MCPH1: variants seen among roughly 807,000 people sequenced by gnomAD.
The protein encoded by MCPH1 is microcephalin 1.
MCPH1 carries 104 observed loss-of-function variants against 84.5 expected under a neutral mutation model. The ratio of observed to expected loss-of-function variants is 1.23; its 90% CI spans 1.05 to 1.45. The LOEUF is 1.45. Among genes scored for constraint, MCPH1 ranks in the 40% most tolerant of loss-of-function variants. The pLI is 0.00. For synonymous variants in MCPH1, 514 were observed against 366.8 expected (o/e 1.40, Z -4.58); for missense variants, 1,498 against 1,005.7 (o/e 1.49, Z -6.62).
intron 11 of MCPH1, among the ~76,000 whole-genome samples, chr8:6,497,330 A>G (rs75084640): frequency 6.7e-6 from 1 of 148,192 alleles, no homozygotes; most frequent in Non-Finnish European, 1.5e-5. Flanking sequence ...AAAAAAAAAC[A>G]AAAAAAAAGA....
intron 9 of MCPH1, 28 bp downstream of exon 9, chr8:6,455,280 C>G (rs2129556814): frequency 4.2e-6 from 6 of 1,415,450 alleles, no homozygotes; most frequent in East Asian, 2.3e-5. Context: ...TTATTTTAAA[C>G]TTTCAAATGC....
chr8:6,517,709 G>T (rs761751216), intron 12 of MCPH1, among the ~76,000 whole-genome samples: 7 of 152,190 alleles, frequency 4.6e-5, no homozygotes, highest in Non-Finnish European at 1.0e-4. Flanking sequence ...CCAAGGCTGA[G>T]GGTATCATTG....
intron 12 of MCPH1, among the ~76,000 whole-genome samples, chr8:6,609,828 C>CCCCCCCCACACA (rs1475345162): frequency 9.2e-6 from 1 of 108,860 alleles, no homozygotes; most frequent in Non-Finnish European, 2.2e-5. Context: ...CGCCCCCCCC[C>CCCCCCCCACACA]CACACACAGA....
At chr8:6,496,482 A>G (rs1423410810) in intron 11 of MCPH1, among the ~76,000 whole-genome samples, 2 of 152,066 alleles carry the variant, frequency 1.3e-5, no homozygotes, top group Admixed American at 6.6e-5. Context: ...AGTCTTTTGT[A>G]TGCAAAGAAT....
At chr8:6,600,219 G>A (rs79626686) in intron 12 of MCPH1, among the ~76,000 whole-genome samples, 3,015 of 152,310 alleles carry the variant, frequency 0.02, 109 homozygotes, top group African/African-American at 0.069. Flanking sequence ...GCAAGAGTGC[G>A]GTATTTTTAA....
At chr8:6,635,723 C>T (rs897300908) in intron 13 of MCPH1, among the ~76,000 whole-genome samples, 2 of 152,208 alleles carry the variant, frequency 1.3e-5, no homozygotes, top group Non-Finnish European at 2.9e-5. Context: ...AGCCCCCCAG[C>T]AGAATGCCTC....
At chr8:6,536,291 C>T (rs765327238) in intron 12 of MCPH1, among the ~76,000 whole-genome samples, 3 of 152,074 alleles carry the variant, frequency 2.0e-5, no homozygotes, top group Non-Finnish European at 2.9e-5. Context: ...ATCGCTGTGT[C>T]GGGATCCCAG....
intron 13 of MCPH1, among the ~76,000 whole-genome samples, chr8:6,636,125 G>C (rs1012125639): frequency 1.3e-5 from 2 of 152,164 alleles, no homozygotes; most frequent in Non-Finnish European, 2.9e-5. Flanking sequence ...GATCACTTGA[G>C]GCCAGGAGTT....
intron 12 of MCPH1, chr8:6,532,453 T>A: frequency 6.2e-7 from 1 of 1,614,044 alleles, no homozygotes. Context: ...CTCTACCATT[T>A]CTTTCTTCAT....
intron 2 of MCPH1, among the ~76,000 whole-genome samples, chr8:6,410,240 C>G (rs543444647): frequency 5.2e-4 from 79 of 151,868 alleles, no homozygotes; most frequent in African/African-American, 1.7e-3. Flanking sequence ...TCCCAAAGTG[C>G]TGGGATTACA....
In MCPH1 at chr8:6,445,254, G is replaced by A; in HGVS notation, c.1532G>A (p.Arg511Lys). 2.5e-6 allele frequency: 4 copies of A among 1,614,220 alleles called. No homozygotes were observed. The highest frequency in any genetic ancestry group is 3.4e-6 in the Non-Finnish European group (4 of 1,180,038). Residue 511 changes from arginine to lysine, a missense_variant, in exon 8 of 14, where the codon AGA becomes AAA. Arg to Lys is a conservative substitution (Grantham distance 26). Transcript: ENST00000344683. The stretch of plus-strand genomic sequence containing the variant: ...CCTGAAGAAGCCCTAAGGTGTTGTA[G>A]ACAGGCTGGGAAAGAAGACGCATGC... Reference protein sequence around the residue: ...SAPEEALRCCRQAGKEDACPE... With the variant: ...SAPEEALRCCKQAGKEDACPE...
chr8:6,604,163 A>G (rs1446978848), intron 12 of MCPH1, among the ~76,000 whole-genome samples: 2 of 149,394 alleles, frequency 1.3e-5, no homozygotes, highest in East Asian at 2.0e-4. Context: ...CCATGCTGTC[A>G]TAGGCCGCAG....
intron 1 of MCPH1, among the ~76,000 whole-genome samples, chr8:6,407,358 T>G (rs2440452): frequency 0.7 from 106,619 of 151,948 alleles, 41,308 homozygotes; most frequent in Non-Finnish European, 0.86. Context: ...TTATATCATT[T>G]TACAGGCAGA....
chr8:6,429,300 G>C (rs1377062543), intron 3 of MCPH1, among the ~76,000 whole-genome samples: 2 of 152,174 alleles, frequency 1.3e-5, no homozygotes, highest in Non-Finnish European at 2.9e-5. Flanking sequence ...CATGGACCCA[G>C]TGCCCCCATT....
chr8:6,530,968 T>C lies in MCPH1; in HGVS notation c.2214+31039T>C, dbSNP rs749534017. Among the ~76,000 whole-genome samples, 9 of 151,974 alleles carry C rather than the reference T, an allele frequency of 5.9e-5. No homozygotes were observed. The South Asian group carries it at 1.7e-3, about 28-fold the overall frequency. ...GCTGAAGTAGCATTTAGGAATAATA[T>C]GGAGTGGGGATTGTTTCACTTAAAT... On this transcript the variant is annotated intron_variant, in intron 12 of 13. Transcript: ENST00000344683.
chr8:6,414,276 G>A (rs1296935488), intron 2 of MCPH1, among the ~76,000 whole-genome samples: 2 of 152,220 alleles, frequency 1.3e-5, no homozygotes, highest in Non-Finnish European at 2.9e-5. Context: ...CCAAAGTGCT[G>A]GGATTACAGG....
At chr8:6,534,756 G>C (rs1820195257) in intron 12 of MCPH1, among the ~76,000 whole-genome samples, 1 of 152,214 alleles carries the variant, frequency 6.6e-6, no homozygotes, top group African/African-American at 2.4e-5. Flanking sequence ...CCGTTTCTCA[G>C]AGTTAGCTCA....
At chr8:6,617,265 G>GA (rs1344045138) in intron 12 of MCPH1, 133 of 143,130 alleles carry the variant, frequency 9.3e-4, no homozygotes, top group African/African-American at 3.5e-3. Context: ...GTGGGGGGGG[G>GA]GTGTTTTTTT....
intron 7 of MCPH1, among the ~76,000 whole-genome samples, chr8:6,443,864 A>G (rs972667151): frequency 6.6e-6 from 1 of 152,234 alleles, no homozygotes; most frequent in African/African-American, 2.4e-5. Context: ...CATTACTCTC[A>G]GGAAATGAGT....
Sources: allele counts gnomAD v4.1 joint callset (sites outside exome capture counted in the v4.1 genomes callset), GRCh38; gene constraint gnomAD v4.1.1; transcripts MANE v1.5; gene names NCBI Gene and HGNC (gene_info 2026-07-23, HGNC 2026-07-21).